RALA: variants seen among roughly 807,000 people sequenced by gnomAD.
The protein encoded by RALA is ras-related protein Ral-A.
In RALA, 5 loss-of-function variants were observed where a neutral mutation model predicts 24.0. The observed-to-expected ratio is 0.21, with a 90% CI of 0.11 to 0.44. RALA has a LOEUF of 0.44. Ranked by LOEUF, RALA falls within the 20% of genes least tolerant of loss-of-function variation. RALA has a pLI of 0.99. For synonymous variants in RALA, 77 were observed against 83.8 expected (o/e 0.92, Z 0.44); for missense variants, 95 against 241.2 (o/e 0.39, Z 4.01).
At position 39,704,721 on chromosome 7, in the gene RALA, G is replaced by A. The variant is rs189214354; in HGVS notation, c.499-1402G>A. 7.7e-3 allele frequency among the ~76,000 whole-genome samples: 1,164 copies of A among 152,042 alleles called. 5 individuals are homozygous for A. Among genetic ancestry groups the A allele is most frequent in the Non-Finnish European group, 0.012 (844 of 68,000 alleles). On this transcript the variant is annotated intron_variant, in intron 4 of 4. Coordinates refer to ENST00000005257, the MANE Select transcript of RALA (RefSeq NM_005402.4). Reference sequence around the variant, plus strand: ...GACTGAGTCTTGCTCTGTCGCCCAGGCTGGAGTGCAGTGGCACAATCTCGG... The same window carrying A: ...GACTGAGTCTTGCTCTGTCGCCCAGACTGGAGTGCAGTGGCACAATCTCGG...
chr7:39,639,213 C>A (rs1485337539), intron 1 of RALA, among the ~76,000 whole-genome samples: 1 of 152,192 alleles, frequency 6.6e-6, no homozygotes, highest in Admixed American at 6.5e-5. Flanking sequence ...CAAAACACTT[C>A]TAAACATTGA....
intron 1 of RALA, among the ~76,000 whole-genome samples, chr7:39,684,288 AATG>A (rs1215522672): frequency 1.3e-5 from 2 of 152,226 alleles, no homozygotes; most frequent in African/African-American, 4.8e-5. Flanking sequence ...CTTTTGATAG[AATG>A]ATAAGAACAG....
chr7:39,665,853 T>C (rs1792279383), intron 1 of RALA, among the ~76,000 whole-genome samples: 1 of 152,104 alleles, frequency 6.6e-6, no homozygotes, highest in South Asian at 2.1e-4. Context: ...TGTGAATTTT[T>C]TTTTTTTAAT....
intron 2 of RALA, among the ~76,000 whole-genome samples, 169 bp downstream of exon 2, chr7:39,686,950 A>C (rs368185912): frequency 2.0e-5 from 3 of 152,228 alleles, no homozygotes; most frequent in African/African-American, 4.8e-5. Flanking sequence ...TTTACAAATC[A>C]GGAACTTATG....
chr7:39,656,124 G>C (rs1268835524), intron 1 of RALA, among the ~76,000 whole-genome samples: 1 of 152,128 alleles, frequency 6.6e-6, no homozygotes, highest in Non-Finnish European at 1.5e-5. Context: ...CCCCTATTCA[G>C]ATATCTTAAA....
rs115682190 is a variant in RALA at position 39,657,700 on chromosome 7, T to C, written c.-37-28931T>C. ...ACTTTGAAAGGCTGGGGCAGGAGGATTGCTTGAGCCCCGGAGTTAAAGATC... is the reference window on the plus strand; with the variant it reads ...ACTTTGAAAGGCTGGGGCAGGAGGACTGCTTGAGCCCCGGAGTTAAAGATC... On this transcript the variant is annotated intron_variant, in intron 1 of 4. Transcript: ENST00000005257. Among the ~76,000 whole-genome samples the C allele has an allele frequency of 3.8e-3, 574 of 152,132 alleles. 4 individuals are homozygous for C. The highest frequency in any genetic ancestry group is 0.013 in the African/African-American group (557 of 41,502).
intron 1 of RALA, among the ~76,000 whole-genome samples, chr7:39,653,111 C>A (rs1347907474): frequency 6.6e-6 from 1 of 151,800 alleles, no homozygotes; most frequent in Non-Finnish European, 1.5e-5. Context: ...CTCACTGCAA[C>A]CTCCACCTCC....
intron 1 of RALA, among the ~76,000 whole-genome samples, chr7:39,635,739 A>G (rs1414552938): frequency 6.6e-6 from 1 of 152,184 alleles, no homozygotes; most frequent in Non-Finnish European, 1.5e-5. Flanking sequence ...ACAGTTCACA[A>G]TAAGGTTTGT....
intron 1 of RALA, among the ~76,000 whole-genome samples, chr7:39,655,907 G>A (rs559231625): frequency 5.4e-4 from 82 of 152,276 alleles, no homozygotes; most frequent in African/African-American, 1.9e-3. Context: ...ATGCGCAGGG[G>A]CAGAATTAAG....
At chr7:39,635,937 G>C (rs1254386684) in intron 1 of RALA, among the ~76,000 whole-genome samples, 1 of 152,070 alleles carries the variant, frequency 6.6e-6, no homozygotes, top group Non-Finnish European at 1.5e-5. Flanking sequence ...GATAATTTTT[G>C]GATTCCATAA....
At chr7:39,697,977 G>GTGTGTA (rs1792953158) in intron 4 of RALA, among the ~76,000 whole-genome samples, 1 of 141,144 alleles carries the variant, frequency 7.1e-6, no homozygotes, top group Non-Finnish European at 1.6e-5. Context: ...GTGTGTGTAT[G>GTGTGTA]TGTGTGTATG....
At chr7:39,687,423 T>C (rs894113792) in intron 2 of RALA, among the ~76,000 whole-genome samples, 20 of 143,844 alleles carry the variant, frequency 1.4e-4, no homozygotes, top group Non-Finnish European at 2.3e-4. Flanking sequence ...CAAGACTCCA[T>C]CCCAAAAAAA....
chr7:39,650,293 T>C (rs527437978), intron 1 of RALA, among the ~76,000 whole-genome samples: 2 of 152,308 alleles, frequency 1.3e-5, no homozygotes, highest in African/African-American at 2.4e-5. Context: ...GTTTTTAAAA[T>C]AAAGTTTTGT....
At chr7:39,674,072 A>C (rs925593815) in intron 1 of RALA, among the ~76,000 whole-genome samples, 3 of 151,706 alleles carry the variant, frequency 2.0e-5, no homozygotes, top group Admixed American at 6.6e-5. Context: ...TAAATAAATA[A>C]ATAAATAAAT....
chr7:39,640,123 C>T (rs1290418222), intron 1 of RALA, among the ~76,000 whole-genome samples: 1 of 152,134 alleles, frequency 6.6e-6, no homozygotes, highest in African/African-American at 2.4e-5. Context: ...TCTTGGCACA[C>T]TGCAGCTCAG....
intron 4 of RALA, among the ~76,000 whole-genome samples, chr7:39,702,287 G>A (rs1264165523): frequency 1.3e-5 from 2 of 152,092 alleles, no homozygotes; most frequent in East Asian, 1.9e-4. Flanking sequence ...CTTTCCAGAC[G>A]TTAAAAGCAG....
At chr7:39,698,769 C>T (rs549406801) in intron 4 of RALA, among the ~76,000 whole-genome samples, 179 of 152,220 alleles carry the variant, frequency 1.2e-3, no homozygotes, top group African/African-American at 4.0e-3. Context: ...CTGTTGGCAT[C>T]AGAGGCCCTG....
At chr7:39,678,100 G>A (rs112110609) in intron 1 of RALA, among the ~76,000 whole-genome samples, 2,569 of 149,828 alleles carry the variant, frequency 0.017, 63 homozygotes, top group East Asian at 0.13. Context: ...GCTAGATGAC[G>A]CGTTAGTGGG....
chr7:39,665,567 G>C (rs190811798), intron 1 of RALA, among the ~76,000 whole-genome samples: 2 of 151,966 alleles, frequency 1.3e-5, no homozygotes, highest in African/African-American at 4.8e-5. Flanking sequence ...TACAGTAATG[G>C]ATTATTTGTG....
Sources: allele counts gnomAD v4.1 joint callset (sites outside exome capture counted in the v4.1 genomes callset), GRCh38; gene constraint gnomAD v4.1.1; transcripts MANE v1.5; gene names NCBI Gene and HGNC (gene_info 2026-07-23, HGNC 2026-07-21).